The following TRAK1 variants were observed in gnomAD, a reference collection of about 807,000 sequenced individuals.
TRAK1 encodes the protein trafficking kinesin protein 1.
A neutral mutation model predicts 92.1 loss-of-function variants in TRAK1; 33 were observed. That is an observed-to-expected ratio of 0.36 (90% CI 0.27 to 0.48). The LOEUF is 0.48. Among genes scored for constraint, TRAK1 ranks in the 20% least tolerant of loss-of-function variants. The pLI, the probability that TRAK1 is intolerant of heterozygous loss-of-function variation, is 0.99. For synonymous variants in TRAK1, 521 were observed against 517.3 expected (o/e 1.01, Z -0.10); for missense variants, 1,123 against 1,257.9 (o/e 0.89, Z 1.62).
chr3:42,217,908 A>G lies in TRAK1; in HGVS notation c.1964-1586A>G, dbSNP rs1359283138. 5 of 984,056 alleles carry G rather than the reference A, an allele frequency of 5.1e-6. No individual in the cohort carries two copies. In the African/African-American group the frequency reaches 8.8e-5, roughly 17 times the overall value. 61.0% of individuals were successfully genotyped at this position (984,056 alleles called of 1,614,324 possible). ...TACTTATTGGAGTTCCTGAGCCATT[A>G]TGTTCACTGATTGAGAAAGATTCAT... On this transcript the variant is annotated intron_variant, in intron 14 of 15. Coordinates refer to ENST00000327628, the MANE Select transcript of TRAK1 (RefSeq NM_001042646.3).
At chr3:42,055,073 T>C (rs1337666358) in intron 1 of TRAK1, among the ~76,000 whole-genome samples, 1 of 151,932 alleles carries the variant, frequency 6.6e-6, no homozygotes, top group Non-Finnish European at 1.5e-5. Context: ...GCATGTGCCA[T>C]CATACCCAGC....
Position 42,200,679 on chromosome 3 carries a change from G to A in TRAK1, c.1191-139G>A, listed in dbSNP as rs577281971. On this transcript the variant is annotated intron_variant, in intron 11 of 15. Coordinates refer to ENST00000327628, the MANE Select transcript of TRAK1 (RefSeq NM_001042646.3). ...CAGCCAATACCCTAAGAAACAGGTGGCAGGCACAGGATAGCAGGCTGCTGG... is the reference window on the plus strand; with the variant it reads ...CAGCCAATACCCTAAGAAACAGGTGACAGGCACAGGATAGCAGGCTGCTGG... 9 of 780,460 alleles carry A rather than the reference G, an allele frequency of 1.2e-5. No homozygotes were observed. In the African/African-American group the frequency reaches 1.4e-4, roughly 12 times the overall value. 48.3% of individuals were successfully genotyped at this position (780,460 alleles called of 1,614,324 possible).
intron 2 of TRAK1, among the ~76,000 whole-genome samples, chr3:42,161,017 T>TA (rs940502949): frequency 6.6e-5 from 10 of 152,334 alleles, no homozygotes; most frequent in African/African-American, 2.2e-4. Flanking sequence ...TGTTTATTTT[T>TA]AAAAAAATTA....
intron 15 of TRAK1, 133 bp downstream of exon 15, chr3:42,219,729 C>A: frequency 1.1e-6 from 1 of 873,048 alleles, no homozygotes; most frequent in Non-Finnish European, 1.8e-6. Flanking sequence ...GTGTAAGCAT[C>A]TCAGCATTTG....
chr3:42,075,609 A>G (rs2148943612), intron 1 of TRAK1, among the ~76,000 whole-genome samples: 1 of 152,330 alleles, frequency 6.6e-6, no homozygotes, highest in Admixed American at 6.5e-5. Context: ...CATTTCTACC[A>G]GCAGTGGATA....
In TRAK1 at chr3:42,200,841, C is replaced by T; in HGVS notation, c.1214C>T (p.Thr405Ile). The part of the protein sequence containing the change: ...DITHQKRVFE[T>I]VRNINQVVKQ... ...AGTCACCAGAAGCGTGTCTTTGAGA[C>T]AGTAAGAAACATCAACCAGGTTGTC... Residue 405 changes from threonine to isoleucine, a missense_variant, in exon 12 of 16, where the codon ACA becomes ATA. Transcript: ENST00000327628. 1.9e-6 allele frequency: 3 copies of T among 1,614,148 alleles called. No homozygotes were observed. The highest frequency in any genetic ancestry group is 1.1e-5 in the South Asian group (1 of 91,072).
chr3:42,203,515 T>A (rs897590163), intron 13 of TRAK1: 255 of 962,586 alleles, frequency 2.6e-4, no homozygotes, highest in Middle Eastern at 5.3e-4. Flanking sequence ...TTTTTTTTTT[T>A]AATTTAGGCA....
At chr3:42,206,931 G>A (rs1326576876) in intron 13 of TRAK1, among the ~76,000 whole-genome samples, 1 of 152,180 alleles carries the variant, frequency 6.6e-6, no homozygotes, top group Non-Finnish European at 1.5e-5. Context: ...ACAGTTGGAG[G>A]AGAAAGGCCT....
chr3:42,078,364 G>T (rs926329505), intron 1 of TRAK1, among the ~76,000 whole-genome samples: 4 of 152,154 alleles, frequency 2.6e-5, no homozygotes, highest in African/African-American at 4.8e-5. Flanking sequence ...TTAATCCCTT[G>T]ACCTTAAGAT....
intron 1 of TRAK1, among the ~76,000 whole-genome samples, chr3:42,053,002 C>G (rs1703041904): frequency 6.6e-6 from 1 of 152,168 alleles, no homozygotes; most frequent in Non-Finnish European, 1.5e-5. Flanking sequence ...AGCTGACTGA[C>G]TGGGCTACTC....
chr3:42,067,203 G>C (rs983550699), intron 1 of TRAK1, among the ~76,000 whole-genome samples: 15 of 152,124 alleles, frequency 9.9e-5, no homozygotes, highest in Non-Finnish European at 4.4e-5. Flanking sequence ...GGATTATTTA[G>C]AATTAATAAA....
At chr3:42,024,558 A>T (rs1701847566) in intron 1 of TRAK1, among the ~76,000 whole-genome samples, 1 of 152,254 alleles carries the variant, frequency 6.6e-6, no homozygotes, top group Admixed American at 6.5e-5. Flanking sequence ...CAAGGGTTAC[A>T]TAACTTATTC....
At chr3:42,189,737 G>A (rs1242394211) in intron 6 of TRAK1, among the ~76,000 whole-genome samples, 3 of 152,072 alleles carry the variant, frequency 2.0e-5, no homozygotes, top group South Asian at 4.2e-4. Context: ...CACCATACTG[G>A]TCAGGCTGGT....
At chr3:42,086,744 T>C (rs939710393), upstream of TRAK1, among the ~76,000 whole-genome samples, 60 of 152,192 alleles carry the variant, frequency 3.9e-4, no homozygotes, top group Admixed American at 3.5e-3. Flanking sequence ...ACATATCTTA[T>C]GTAATTCCAT....
intron 4 of TRAK1, among the ~76,000 whole-genome samples, chr3:42,186,002 A>ATTTTTTT (rs1704788369): frequency 1.1e-4 from 1 of 8,774 alleles, no homozygotes; most frequent in Non-Finnish European, 2.3e-4. Flanking sequence ...TTTTTTTTTG[A>ATTTTTTT]GATAAGGTCT....
At chr3:42,211,132 C>T (rs573332259) in intron 14 of TRAK1, 46 of 985,172 alleles carry the variant, frequency 4.7e-5, no homozygotes, top group Admixed American at 3.7e-4. Context: ...GAAGTGAGGA[C>T]GTTTATCTTT....
chr3:42,213,459 G>A (rs146809865), intron 14 of TRAK1, among the ~76,000 whole-genome samples: 2,709 of 152,332 alleles, frequency 0.018, 37 homozygotes, highest in Non-Finnish European at 0.027. Context: ...CCACCAAGGC[G>A]AAAGCCAGGA....
At chr3:42,196,948 T>C (rs1706747826) in intron 10 of TRAK1, among the ~76,000 whole-genome samples, 1 of 150,876 alleles carries the variant, frequency 6.6e-6, no homozygotes, top group African/African-American at 2.4e-5. Context: ...AATTTCTCTC[T>C]CCTTTCTCCT....
chr3:42,180,677 CAAAAAAA>C (rs33959095), intron 3 of TRAK1, among the ~76,000 whole-genome samples: 2 of 87,124 alleles, frequency 2.3e-5, no homozygotes, highest in Admixed American at 1.3e-4. Context: ...AGACCTGTCT[CAAAAAAA>C]AAAAAAAAAA....
Sources: allele counts gnomAD v4.1 joint callset (sites outside exome capture counted in the v4.1 genomes callset), GRCh38; gene constraint gnomAD v4.1.1; transcripts MANE v1.5; gene names NCBI Gene and HGNC (gene_info 2026-07-23, HGNC 2026-07-21).